The following WWC2 variants were observed in gnomAD, a reference collection of about 807,000 sequenced individuals.
The protein encoded by WWC2 is WW and C2 domain containing 2.
WWC2 carries 101 observed loss-of-function variants against 138.5 expected under a neutral mutation model. The observed-to-expected ratio is 0.73, with a 90% confidence interval of 0.62 to 0.86. The LOEUF is 0.86. Ranked by LOEUF, WWC2 falls within the 40% of genes least tolerant of loss-of-function variation. WWC2 has a pLI of 0.00. For synonymous variants in WWC2, 558 were observed against 538.4 expected (o/e 1.04, Z -0.50); for missense variants, 1,420 against 1,419.4 (o/e 1.00, Z -0.01).
At chr4:183,223,655 A>C (rs1018413979) in intron 4 of WWC2, among the ~76,000 whole-genome samples, 1 of 152,144 alleles carries the variant, frequency 6.6e-6, no homozygotes, top group Non-Finnish European at 1.5e-5. Flanking sequence ...CAGGGTGTAA[A>C]TATGGTCTAT....
chr4:183,240,282 A>G lies in WWC2; in HGVS notation c.602+20A>G, dbSNP rs1404608963. ...GCAGCAGTGAGTATGAAAAGACTGAATCAACTTTAGAATAAGCTCCCTAAC... is the reference window on the plus strand; with the variant it reads ...GCAGCAGTGAGTATGAAAAGACTGAGTCAACTTTAGAATAAGCTCCCTAAC... On this transcript the variant is annotated intron_variant, in intron 5 of 22. Transcript: ENST00000403733. The G allele has an allele frequency of 6.5e-7, 1 of 1,534,378 alleles. No individual in the cohort carries two copies. The highest frequency in any genetic ancestry group is 8.8e-7 in the Non-Finnish European group (1 of 1,138,952).
At chr4:183,143,653 A>G (rs1010867178) in intron 1 of WWC2, among the ~76,000 whole-genome samples, 2 of 151,808 alleles carry the variant, frequency 1.3e-5, no homozygotes, top group Non-Finnish European at 2.9e-5. Context: ...CAAAAAATGC[A>G]AAAATTTAGC....
chr4:183,308,578 A>T (rs970817934), intron 21 of WWC2, among the ~76,000 whole-genome samples: 5 of 152,284 alleles, frequency 3.3e-5, no homozygotes, highest in African/African-American at 1.2e-4. Flanking sequence ...GTCATCCTTC[A>T]ACATCCTTGG....
chr4:183,198,588 T>G (rs751831609), intron 2 of WWC2, among the ~76,000 whole-genome samples: 4 of 151,948 alleles, frequency 2.6e-5, no homozygotes, highest in Non-Finnish European at 5.9e-5. Context: ...AAAAATTTTT[T>G]GCACCATGAT....
At chr4:183,295,803 C>G (rs966889696) in intron 21 of WWC2, among the ~76,000 whole-genome samples, 4 of 150,362 alleles carry the variant, frequency 2.7e-5, no homozygotes, top group African/African-American at 4.8e-5. Context: ...TCCCTGACAC[C>G]CCTTGTTTGT....
At chr4:183,117,261 C>T (rs936775774) in intron 1 of WWC2, among the ~76,000 whole-genome samples, 9 of 147,824 alleles carry the variant, frequency 6.1e-5, no homozygotes, top group African/African-American at 2.3e-4. Context: ...TGCTCTGTCC[C>T]CCAGGCTGGA....
chr4:183,301,601 A>G (rs918831658), intron 21 of WWC2, among the ~76,000 whole-genome samples: 2 of 152,244 alleles, frequency 1.3e-5, no homozygotes, highest in East Asian at 3.8e-4. Context: ...GTTTCTTTAT[A>G]AGTATTTGCT....
intron 4 of WWC2, among the ~76,000 whole-genome samples, chr4:183,218,403 T>TCA (rs1308937341): frequency 3.4e-5 from 4 of 118,564 alleles, no homozygotes; most frequent in Non-Finnish European, 7.7e-5. Context: ...AGTATCTGTT[T>TCA]GAGTCTCTGC....
At chr4:183,165,153 G>A (rs1014591087) in intron 1 of WWC2, among the ~76,000 whole-genome samples, 1 of 152,122 alleles carries the variant, frequency 6.6e-6, no homozygotes, top group African/African-American at 2.4e-5. Flanking sequence ...GGCAAAGTTG[G>A]TTTGAGGGTA....
At chr4:183,302,614 G>A (rs1396143920) in intron 21 of WWC2, among the ~76,000 whole-genome samples, 1 of 152,122 alleles carries the variant, frequency 6.6e-6, no homozygotes, top group African/African-American at 2.4e-5. Flanking sequence ...GAATTGGGAG[G>A]GAAAGTGAAC....
intron 1 of WWC2, among the ~76,000 whole-genome samples, chr4:183,178,698 T>G (rs1734536329): frequency 6.6e-6 from 1 of 152,116 alleles, no homozygotes; most frequent in Non-Finnish European, 1.5e-5. Context: ...AGCTGTGCCT[T>G]TACACCAGGG....
intron 4 of WWC2, among the ~76,000 whole-genome samples, chr4:183,211,148 A>G (rs976046353): frequency 6.6e-6 from 1 of 152,104 alleles, no homozygotes; most frequent in African/African-American, 2.4e-5. Context: ...TTTATTATTG[A>G]CATCAACTTA....
chr4:183,174,491 G>A (rs1316695953), intron 1 of WWC2, among the ~76,000 whole-genome samples: 2 of 152,068 alleles, frequency 1.3e-5, no homozygotes, highest in Admixed American at 6.5e-5. Context: ...CCCAAATTTT[G>A]TTGTTCTCAT....
intron 20 of WWC2, 117 bp downstream of exon 20, chr4:183,286,176 T>C: frequency 1.1e-6 from 1 of 951,208 alleles, no homozygotes; most frequent in African/African-American, 1.6e-5. Context: ...CTTGGCCTAC[T>C]GAATGCAGCC....
chr4:183,159,991 G>A (rs1050719033), intron 1 of WWC2, among the ~76,000 whole-genome samples: 2 of 152,114 alleles, frequency 1.3e-5, no homozygotes, highest in African/African-American at 4.8e-5. Context: ...GCCTGATTCT[G>A]ATGTGCACAT....
Position 183,261,430 on chromosome 4 carries a change from C to A in WWC2, c.1807C>A (p.Gln603Lys), listed in dbSNP as rs1486220490. 6.2e-7 allele frequency: 1 copy of A among 1,612,548 alleles called. No individual in the cohort carries two copies. The highest frequency in any genetic ancestry group is 1.1e-5 in the South Asian group (1 of 90,624). ...TGCAGATATCAGCCTCATCGAAAAT[C>A]AGATTTTGCTGGATTCTGATTCAGG... Reference protein sequence around the residue: ...HFADISLIENQILLDSDSGGA... With the variant: ...HFADISLIENKILLDSDSGGA... Residue 603 changes from glutamine to lysine, a missense_variant, in exon 11 of 23, where the codon CAG becomes AAG. Transcript: ENST00000403733.
At chr4:183,114,967 G>A (rs968395167) in intron 1 of WWC2, among the ~76,000 whole-genome samples, 7 of 152,052 alleles carry the variant, frequency 4.6e-5, no homozygotes, top group Admixed American at 6.6e-5. Flanking sequence ...GAATAGAGGC[G>A]TGCACCACCA....
At chr4:183,173,086 C>T (rs1046925098) in intron 1 of WWC2, among the ~76,000 whole-genome samples, 4 of 152,114 alleles carry the variant, frequency 2.6e-5, no homozygotes, top group Admixed American at 2.6e-4. Flanking sequence ...GCTCTGTCAC[C>T]CAGGCTGGAG....
At chr4:183,178,776 T>C (rs1734539081) in intron 1 of WWC2, among the ~76,000 whole-genome samples, 1 of 152,126 alleles carries the variant, frequency 6.6e-6, no homozygotes, top group Admixed American at 6.6e-5. Flanking sequence ...GCAGCAGGCT[T>C]CAGGGCGCAT....
Sources: allele counts gnomAD v4.1 joint callset (sites outside exome capture counted in the v4.1 genomes callset), GRCh38; gene constraint gnomAD v4.1.1; transcripts MANE v1.5; gene names NCBI Gene and HGNC (gene_info 2026-07-23, HGNC 2026-07-21).